Variants in PSMD14 observed in about 807,000 individuals in gnomAD.
PSMD14 encodes proteasome 26S subunit, non-ATPase 14, also known as ubiquitin C-terminal hydrolase PSMD14.
Under a neutral mutation model 41.2 loss-of-function variants are expected in PSMD14, and 7 were observed. That is an observed-to-expected ratio of 0.17 (90% CI 0.10 to 0.32). The LOEUF (loss-of-function observed/expected upper bound fraction) is 0.32, where lower values mean the gene tolerates loss of function less well. Ranked by LOEUF, PSMD14 falls within the 10% of genes least tolerant of loss-of-function variation. The probability of loss-of-function intolerance (pLI) is 1.00; values close to 1 mark genes in which losing one functional copy is unlikely to be tolerated. For synonymous variants in PSMD14, 114 were observed against 122.3 expected, an observed-to-expected ratio of 0.93 and a Z score of 0.45; for missense variants, 139 against 375.6, an observed-to-expected ratio of 0.37 and a Z score of 5.21.
chr2:161,339,471 A>T (rs1237981346), intron 3 of PSMD14, among the ~76,000 whole-genome samples: 1 of 140,562 alleles, frequency 7.1e-6, no homozygotes, highest in Non-Finnish European at 1.6e-5. Context: ...CCTGGTTTTT[A>T]CTGGGTGGGT....
chr2:161,356,929 A>G (rs1047679110), intron 3 of PSMD14, among the ~76,000 whole-genome samples: 17 of 152,016 alleles, frequency 1.1e-4, no homozygotes, highest in African/African-American at 4.1e-4. Context: ...TTTTAATAAC[A>G]TAATAAAATT....
intron 11 of PSMD14, among the ~76,000 whole-genome samples, chr2:161,410,247 G>A (rs1684005199): frequency 1.3e-5 from 2 of 151,632 alleles, no homozygotes; most frequent in Non-Finnish European, 2.9e-5. Flanking sequence ...ACTTATTTCT[G>A]AAATAAAAAA....
At position 161,308,478 on chromosome 2, in the gene PSMD14, T is replaced by G. The variant is rs1574109325; in HGVS notation, c.-264T>G. ...CTCTTTTGAATGGAATCGGGCTGAT[T>G]CATCGCCGGTTTGCAGACAGAGCCG... On this transcript the variant is annotated 5_prime_UTR_variant, in exon 1 of 12. In the 5' UTR this introduces an upstream ATG that the reference lacks. Coordinates refer to ENST00000409682, the MANE Select transcript of PSMD14 (RefSeq NM_005805.6). 6.6e-6 allele frequency: 1 copy of G among 152,286 alleles called. No individual in the cohort carries two copies. The highest frequency in any genetic ancestry group is 2.4e-5 in the African/African-American group (1 of 41,466). 9.4% of individuals were successfully genotyped at this position (152,286 alleles called of 1,614,324 possible). A position where few individuals can be genotyped will look rare whatever the true frequency, so the allele number is the denominator to read the frequency against.
intron 3 of PSMD14, among the ~76,000 whole-genome samples, chr2:161,354,371 A>G (rs953481920): frequency 1.3e-5 from 2 of 152,106 alleles, no homozygotes; most frequent in Non-Finnish European, 2.9e-5. Flanking sequence ...TGAGCCCTCC[A>G]AGTGGCTGAG....
intron 8 of PSMD14, among the ~76,000 whole-genome samples, chr2:161,388,319 A>G (rs2105265127): frequency 6.6e-6 from 1 of 152,220 alleles, no homozygotes; most frequent in East Asian, 1.9e-4. Context: ...GAAAGGAGCC[A>G]TTGTAGTCAT....
intron 3 of PSMD14, among the ~76,000 whole-genome samples, chr2:161,357,822 C>A (rs945656584): frequency 6.6e-6 from 1 of 150,898 alleles, no homozygotes; most frequent in African/African-American, 2.4e-5. Context: ...CTGGTGCCTT[C>A]GTTTATTCTA....
chr2:161,398,316 C>T (rs1683828517), intron 10 of PSMD14, among the ~76,000 whole-genome samples: 1 of 151,986 alleles, frequency 6.6e-6, no homozygotes, highest in Non-Finnish European at 1.5e-5. Context: ...GTGTTTTAAG[C>T]TAAGGTAATT....
intron 3 of PSMD14, among the ~76,000 whole-genome samples, chr2:161,362,159 G>A (rs776569551): frequency 3.9e-5 from 6 of 152,054 alleles, no homozygotes; most frequent in Non-Finnish European, 2.9e-5. Flanking sequence ...TCAGCCTTTC[G>A]GGTTCAAGCC....
intron 3 of PSMD14, among the ~76,000 whole-genome samples, chr2:161,358,241 C>CT (rs1683234366): frequency 6.6e-6 from 1 of 151,958 alleles, no homozygotes; most frequent in African/African-American, 2.4e-5. Context: ...AAATCCAGGT[C>CT]TTTTTTAGTC....
intron 7 of PSMD14, chr2:161,382,814 CA>C (rs1683585917): frequency 6.6e-6 from 1 of 151,668 alleles, no homozygotes; most frequent in Non-Finnish European, 1.5e-5. Flanking sequence ...CTATATACTT[CA>C]AAATGAACTG....
At chr2:161,391,229 T>C (rs1683707436) in intron 9 of PSMD14, 51 bp downstream of exon 9, 1 of 1,450,762 alleles carries the variant, frequency 6.9e-7, no homozygotes, top group South Asian at 1.4e-5. Flanking sequence ...TTTCAAACCA[T>C]TTAAACTATT....
intron 4 of PSMD14, 104 bp from the exon 5 acceptor site, chr2:161,367,680 G>GA: frequency 1.6e-6 from 2 of 1,265,890 alleles, no homozygotes; most frequent in Non-Finnish European, 2.1e-6. Flanking sequence ...TTTATAAAAG[G>GA]AGTTTTTATT....
intron 3 of PSMD14, among the ~76,000 whole-genome samples, chr2:161,355,232 T>C (rs565055304): frequency 6.6e-6 from 1 of 152,280 alleles, no homozygotes; most frequent in East Asian, 1.9e-4. Context: ...GTGGGTGAAA[T>C]TATGTCTTTA....
At chr2:161,333,168 TTGTTGTATGTCTTTCCTTAC>T (rs1459300632) in intron 3 of PSMD14, among the ~76,000 whole-genome samples, 1 of 152,224 alleles carries the variant, frequency 6.6e-6, no homozygotes, top group African/African-American at 2.4e-5. Context: ...CTGGAAATAA[TTGTTGTATGTCTTTCCTTAC>T]TGTTCCATAT....
intron 3 of PSMD14, among the ~76,000 whole-genome samples, chr2:161,364,476 A>T (rs185691572): frequency 1.2e-4 from 19 of 152,196 alleles, no homozygotes; most frequent in African/African-American, 4.3e-4. Flanking sequence ...GTGGTGCCTT[A>T]GCCAGGGGCC....
intron 3 of PSMD14, among the ~76,000 whole-genome samples, chr2:161,341,828 T>A (rs1682965925): frequency 7.2e-6 from 1 of 138,004 alleles, no homozygotes; most frequent in East Asian, 2.1e-4. Context: ...ACAGAACAAG[T>A]CTCCTTCTCC....
intron 11 of PSMD14, 27 bp from the exon 12 acceptor site, chr2:161,411,275 T>A (rs369301146): frequency 7.3e-6 from 11 of 1,509,566 alleles, no homozygotes; most frequent in Non-Finnish European, 1.0e-5. Flanking sequence ...GGTTCTGTTT[T>A]CTCTTTCCTC....
intron 3 of PSMD14, among the ~76,000 whole-genome samples, chr2:161,360,806 G>T (rs754648235): frequency 4.6e-5 from 7 of 152,230 alleles, no homozygotes; most frequent in Non-Finnish European, 8.8e-5. Flanking sequence ...AAAGTGCTAG[G>T]ATTACAGGCG....
At position 161,411,506 on chromosome 2, in the gene PSMD14, C is replaced by A; in HGVS notation, c.*106C>A. The A allele has an allele frequency of 1.6e-6, 1 of 630,550 alleles. No individual in the cohort carries two copies. The highest frequency in any genetic ancestry group is 3.3e-5 in the East Asian group (1 of 30,662). The allele number at this position is 630,550 out of a possible 1,614,324, so 39.1% of individuals were successfully genotyped here. A position where few individuals can be genotyped will look rare whatever the true frequency, so the allele number is the denominator to read the frequency against. On this transcript the variant is annotated 3_prime_UTR_variant, in exon 12 of 12. Transcript: ENST00000409682. The stretch of plus-strand genomic sequence containing the variant: ...AAGGTGTACTTGGCTAAATGTAAGA[C>A]ATCTGGCATCATTTGCAGCACTGTA...
Sources: gnomAD v4.1 joint callset for allele counts (sites outside exome capture counted in the v4.1 genomes callset) on GRCh38, gnomAD v4.1.1 for gene constraint, MANE v1.5 for transcripts, NCBI Gene and HGNC (gene_info 2026-07-23, HGNC 2026-07-21) for gene names.